Variants in SLC2A9 observed in about 807,000 individuals in gnomAD.
The protein encoded by SLC2A9 is solute carrier family 2 member 9.
A neutral mutation model predicts 50.6 loss-of-function variants in SLC2A9; 39 were observed. The observed-to-expected ratio is 0.77, with a 90% CI of 0.60 to 1.01. The LOEUF (loss-of-function observed/expected upper bound fraction) is 1.01. Ranked by LOEUF, SLC2A9 falls within the 50% of genes least tolerant of loss-of-function variation. The pLI is 0.00. For missense variants in SLC2A9, 686 were observed against 677.6 expected, an observed-to-expected ratio of 1.01 and a Z score of -0.14; for synonymous variants, 324 against 276.9, an observed-to-expected ratio of 1.17 and a Z score of -1.69.
chr4:9,843,456 G>A (rs11938161), intron 10 of SLC2A9, among the ~76,000 whole-genome samples: 1,587 of 152,126 alleles, frequency 0.01, 33 homozygotes, highest in African/African-American at 0.036. Context: ...GGGGTCTTAT[G>A]CTAAAGTTAG....
At chr4:9,900,020 G>C (rs1199673268) in intron 8 of SLC2A9, among the ~76,000 whole-genome samples, 2 of 152,162 alleles carry the variant, frequency 1.3e-5, no homozygotes, top group Non-Finnish European at 2.9e-5. Flanking sequence ...ACAGGTTTGT[G>C]AGGATACATT....
At chr4:9,825,840 C>T (rs1298573163), downstream of SLC2A9, among the ~76,000 whole-genome samples, 2 of 152,176 alleles carry the variant, frequency 1.3e-5, no homozygotes, top group African/African-American at 4.8e-5. Flanking sequence ...ATATTGGAAA[C>T]AGGCATTTCT....
chr4:10,002,196 G>A (rs183850390), intron 2 of SLC2A9, among the ~76,000 whole-genome samples: 1 of 152,324 alleles, frequency 6.6e-6, no homozygotes, highest in African/African-American at 2.4e-5. Context: ...CAGCTACAGA[G>A]CTTCCAGGCC....
At chr4:9,958,939 CAA>C (rs1357792619) in intron 5 of SLC2A9, among the ~76,000 whole-genome samples, 6 of 151,734 alleles carry the variant, frequency 4.0e-5, no homozygotes, top group South Asian at 4.2e-4. Flanking sequence ...AAAATAAAAA[CAA>C]TGATGGAATT....
At position 10,026,786 on chromosome 4, in the gene SLC2A9, G is replaced by C. The variant is rs866912275; in HGVS notation, c.-40-780C>G. ...AGGCCGGGCATGGTGGCTCATGCCT[G>C]TAATCCCAGCACGTGGGGAGGCCGA... is the stretch of plus-strand genomic sequence containing the variant. On this transcript the variant is annotated intron_variant, in intron 1 of 12. Coordinates refer to the SLC2A9 transcript ENST00000309065. Among the ~76,000 whole-genome samples the C allele has an allele frequency of 2.0e-5, 3 of 152,192 alleles. No homozygotes were observed. The South Asian group carries it at 6.2e-4, about 32-fold the overall frequency.
At position 9,927,265 on chromosome 4, in the gene SLC2A9, C is replaced by T. The variant is rs145227193; in HGVS notation, c.815-6693G>A. Among the ~76,000 whole-genome samples the T allele has an allele frequency of 8.7e-4, 133 of 152,354 alleles. 1 individual carries two copies. The highest frequency in any genetic ancestry group is 2.8e-3 in the African/African-American group (118 of 41,580). On this transcript the variant is annotated intron_variant, in intron 6 of 11. Transcript: ENST00000264784. Reference sequence around the variant, plus strand: ...CTCCTGACCTCAGGTGATCCACCCGCGTTGGCCTCCCAAAGTGCTGGGATT... The same window carrying T: ...CTCCTGACCTCAGGTGATCCACCCGTGTTGGCCTCCCAAAGTGCTGGGATT...
intron 4 of SLC2A9, 67 bp from the exon 5 acceptor site, chr4:9,980,804 A>C: frequency 6.2e-7 from 1 of 1,605,850 alleles, no homozygotes; most frequent in East Asian, 2.2e-5. Context: ...TCTGGTTACA[A>C]TGCCTCTCTT....
intron 3 of SLC2A9, among the ~76,000 whole-genome samples, chr4:9,807,621 G>A (rs1266912732): frequency 5.9e-5 from 9 of 152,198 alleles, no homozygotes; most frequent in Admixed American, 5.9e-4. Context: ...GCATTGCTGA[G>A]AAGCCACTTA....
intron 10 of SLC2A9, among the ~76,000 whole-genome samples, chr4:9,857,573 G>A (rs1730934633): frequency 2.6e-5 from 4 of 152,242 alleles, no homozygotes; most frequent in Admixed American, 2.6e-4. Context: ...AAGGGCTGTG[G>A]AACTGACAGA....
rs187189693 is a variant in SLC2A9 at position 9,874,306 on chromosome 4, A to G, written c.1291+13261T>C. 1.2e-4 allele frequency among the ~76,000 whole-genome samples: 19 copies of G among 152,352 alleles called. No individual in the cohort carries two copies. In the East Asian group the frequency reaches 3.3e-3, roughly 26 times the overall value. On this transcript the variant is annotated intron_variant, in intron 10 of 11. Coordinates refer to ENST00000264784, the MANE Select transcript of SLC2A9 (RefSeq NM_020041.3). ...TTTACAAGTTAGTACATTATTGAAT[A>G]AACAGAATGATCACACCCTGTGGCC...
At position 9,845,075 on chromosome 4, in the gene SLC2A9, G is replaced by A. The variant is rs540163713; in HGVS notation, c.1292-10067C>T. On this transcript the variant is annotated intron_variant, in intron 10 of 11. Transcript: ENST00000264784. Reference sequence around the variant, plus strand: ...GTTGTCCAGGCTGGAGTGCAGTGGCGCAATCTCGGCTCACTGCAAGCTCCA... The same window carrying A: ...GTTGTCCAGGCTGGAGTGCAGTGGCACAATCTCGGCTCACTGCAAGCTCCA... 2.8e-4 allele frequency among the ~76,000 whole-genome samples: 42 copies of A among 151,924 alleles called. No individual in the cohort carries two copies. The East Asian group carries it at 5.8e-3, about 21-fold the overall frequency.
At chr4:9,966,211 A>G (rs1000080065) in intron 5 of SLC2A9, among the ~76,000 whole-genome samples, 5 of 152,328 alleles carry the variant, frequency 3.3e-5, no homozygotes, top group South Asian at 2.1e-4. Context: ...AAAATTGCTC[A>G]TATGTACGAA....
intron 3 of SLC2A9, among the ~76,000 whole-genome samples, chr4:9,803,900 C>A (rs1026115835): frequency 7.2e-5 from 11 of 152,170 alleles, no homozygotes; most frequent in Admixed American, 1.3e-4. Context: ...ACAATAATCA[C>A]CAAGATAGAT....
chr4:9,791,146 T>C (rs185637275), intron 3 of SLC2A9, among the ~76,000 whole-genome samples: 12 of 152,356 alleles, frequency 7.9e-5, no homozygotes, highest in African/African-American at 2.6e-4. Context: ...TGTAATATTT[T>C]GCCTCTGATT....
At chr4:9,814,200 C>T (rs11722614) in intron 3 of SLC2A9, among the ~76,000 whole-genome samples, 25,626 of 152,098 alleles carry the variant, frequency 0.17, 2,160 homozygotes, top group Admixed American at 0.2. Context: ...GGACATTCTA[C>T]ACAGAGGAAA....
In SLC2A9 at chr4:9,898,243, T is replaced by C. The variant is rs1261503359; in HGVS notation, c.1114-7532A>G. ...GCTTGTAATGTTGCCTGCTAAATGA[T>C]TGAATGTATGTAAAAAAAAGAAGGA... On this transcript the variant is annotated intron_variant, in intron 8 of 11. Coordinates refer to ENST00000264784, the MANE Select transcript of SLC2A9 (RefSeq NM_020041.3). 2.0e-5 allele frequency among the ~76,000 whole-genome samples: 3 copies of C among 152,276 alleles called. No homozygotes were observed. In the South Asian group the frequency reaches 6.2e-4, roughly 32 times the overall value.
intron 6 of SLC2A9, among the ~76,000 whole-genome samples, chr4:9,933,798 C>T (rs1219213995): frequency 6.6e-6 from 1 of 152,136 alleles, no homozygotes; most frequent in Non-Finnish European, 1.5e-5. Flanking sequence ...GGAGAATCCG[C>T]CTGCTTGTCT....
intron 10 of SLC2A9, among the ~76,000 whole-genome samples, chr4:9,883,074 T>C (rs1386242477): frequency 1.3e-5 from 2 of 152,086 alleles, no homozygotes; most frequent in Non-Finnish European, 2.9e-5. Context: ...AGAGCCCTCA[T>C]ATGTTAAATC....
chr4:10,017,256 G>C (rs962548112), intron 2 of SLC2A9, among the ~76,000 whole-genome samples: 1 of 152,170 alleles, frequency 6.6e-6, no homozygotes, highest in Non-Finnish European at 1.5e-5. Context: ...CCAGGTGTAA[G>C]TTTCACATAA....
Sources: allele counts gnomAD v4.1 joint callset (sites outside exome capture counted in the v4.1 genomes callset), GRCh38; gene constraint gnomAD v4.1.1; transcripts MANE v1.5; gene names NCBI Gene and HGNC (gene_info 2026-07-23, HGNC 2026-07-21).